SNX25: variants seen among roughly 807,000 people sequenced by gnomAD.
SNX25 encodes the protein sorting nexin 25.
In SNX25, 62 loss-of-function variants were observed where a neutral mutation model predicts 113.7. That is an observed-to-expected ratio of 0.55 (90% confidence interval 0.44 to 0.67). The LOEUF (loss-of-function observed/expected upper bound fraction) is 0.67, where lower values mean the gene tolerates loss of function less well. Ranked by LOEUF, SNX25 falls within the 30% of genes least tolerant of loss-of-function variation. The pLI, the probability that SNX25 is intolerant of heterozygous loss-of-function variation, is 0.00. For synonymous variants in SNX25, 421 were observed against 436.2 expected, an observed-to-expected ratio of 0.97 and a Z score of 0.43; for missense variants, 1,014 against 1,161.0, an observed-to-expected ratio of 0.87 and a Z score of 1.84.
At chr4:185,227,853 T>C (rs1461504106) in intron 1 of SNX25, among the ~76,000 whole-genome samples, 1 of 152,090 alleles carries the variant, frequency 6.6e-6, no homozygotes, top group East Asian at 1.9e-4. Flanking sequence ...CAGTTAAGGC[T>C]ACAGGGGAAT....
At chr4:185,370,803 TAGTC>T (rs749405430), downstream of SNX25, 7 of 1,614,124 alleles carry the variant, frequency 4.3e-6, no homozygotes, top group Non-Finnish European at 1.7e-6. Context: ...AACCTCATCA[TAGTC>T]AGCGATCCTG....
intron 6 of SNX25, among the ~76,000 whole-genome samples, chr4:185,303,851 A>C (rs1217000061): frequency 6.6e-6 from 1 of 152,124 alleles, no homozygotes; most frequent in Non-Finnish European, 1.5e-5. Context: ...TAGACTATGA[A>C]ATCTCAGGTG....
intron 1 of SNX25, among the ~76,000 whole-genome samples, chr4:185,230,110 A>C (rs942998402): frequency 6.6e-6 from 1 of 152,084 alleles, no homozygotes; most frequent in Non-Finnish European, 1.5e-5. Flanking sequence ...GATTATTGGC[A>C]TGAGCCACTG....
intron 4 of SNX25, among the ~76,000 whole-genome samples, chr4:185,264,865 TG>T (rs1747827077): frequency 6.6e-6 from 1 of 152,220 alleles, no homozygotes; most frequent in South Asian, 2.1e-4. Context: ...AGCATTCATT[TG>T]GGATAGCTTT....
At chr4:185,208,812 A>G (rs896887261), upstream of SNX25, among the ~76,000 whole-genome samples, 1 of 152,236 alleles carries the variant, frequency 6.6e-6, no homozygotes, top group African/African-American at 2.4e-5. Flanking sequence ...CTGCTTCTTT[A>G]TTAGTCTTAG....
chr4:185,294,668 G>C (rs952265317), intron 6 of SNX25, among the ~76,000 whole-genome samples: 3 of 152,196 alleles, frequency 2.0e-5, no homozygotes, highest in Non-Finnish European at 4.4e-5. Flanking sequence ...TATCAGTAAA[G>C]CTGATGCTGC....
At chr4:185,340,909 C>T (rs2095256639) in intron 11 of SNX25, among the ~76,000 whole-genome samples, 1 of 152,174 alleles carries the variant, frequency 6.6e-6, no homozygotes, top group East Asian at 1.9e-4. Flanking sequence ...GATGCATTTT[C>T]ATCAAGCTGG....
chr4:185,290,827 T>C (rs1288542), intron 6 of SNX25, among the ~76,000 whole-genome samples: 73,160 of 152,096 alleles, frequency 0.48, 17,683 homozygotes, highest in South Asian at 0.61. Context: ...TTGAGGACTA[T>C]AGCCAGGGAC....
chr4:185,230,029 C>T (rs1456570024), intron 1 of SNX25, among the ~76,000 whole-genome samples: 11 of 152,250 alleles, frequency 7.2e-5, no homozygotes, highest in Admixed American at 7.2e-4. Context: ...GAGGTTTCGC[C>T]ATGTTGCCCA....
chr4:185,275,278 A>G (rs67288623), intron 5 of SNX25, among the ~76,000 whole-genome samples: 16,880 of 152,250 alleles, frequency 0.11, 1,008 homozygotes, highest in East Asian at 0.18. Flanking sequence ...GTAGAGAGGG[A>G]ATTTTAGTAA....
chr4:185,282,783 A>G (rs1251117739), intron 5 of SNX25, among the ~76,000 whole-genome samples: 3 of 152,092 alleles, frequency 2.0e-5, no homozygotes, highest in South Asian at 2.1e-4. Flanking sequence ...TATACCAACA[A>G]TCTGTGCACT....
intron 6 of SNX25, among the ~76,000 whole-genome samples, chr4:185,301,536 C>T (rs974876017): frequency 1.3e-5 from 2 of 151,538 alleles, no homozygotes; most frequent in Non-Finnish European, 2.9e-5. Context: ...GGATTACAGG[C>T]GCCTGCACTG....
chr4:185,316,730 G>A (rs772412410), intron 7 of SNX25, among the ~76,000 whole-genome samples: 1 of 152,178 alleles, frequency 6.6e-6, no homozygotes, highest in Non-Finnish European at 1.5e-5. Flanking sequence ...GCCAGGACTC[G>A]ACTTGAGTGT....
At chr4:185,367,201 T>C (rs1048966638), downstream of SNX25, 10 of 1,613,260 alleles carry the variant, frequency 6.2e-6, no homozygotes, top group Admixed American at 5.0e-5. Context: ...GACGAATAAG[T>C]AAGGAGTGAA....
In SNX25 at chr4:185,235,943, C is replaced by T. The variant is rs867685535; in HGVS notation, c.430-11351C>T. On this transcript the variant is annotated intron_variant, in intron 1 of 18. Transcript: ENST00000652585. ...AGAGTGCAGTCCTGATAAACCAGAGCCGCTTGTCTATGTTCAGTACAGATG... is the reference window on the plus strand; with the variant it reads ...AGAGTGCAGTCCTGATAAACCAGAGTCGCTTGTCTATGTTCAGTACAGATG... Among the ~76,000 whole-genome samples the T allele has an allele frequency of 2.0e-5, 3 of 152,226 alleles. No homozygotes were observed. The Middle Eastern group carries it at 0.01, about 518-fold the overall frequency.
chr4:185,361,995 A>G lies in SNX25; in HGVS notation c.2723A>G (p.Asp908Gly). The G allele has an allele frequency of 6.2e-7, 1 of 1,614,124 alleles. No homozygotes were observed. Among genetic ancestry groups the G allele is most frequent in the Non-Finnish European group, 8.5e-7 (1 of 1,180,010 alleles). Reference protein sequence around the residue: ...MLVYYINIFRDAFWPNGKLAP... With the variant: ...MLVYYINIFRGAFWPNGKLAP... ...GTTTACTACATCAATATTTTCCGGGATGCTTTTTGGCCAAATGGGAAGTTG... is the reference window on the plus strand; with the variant it reads ...GTTTACTACATCAATATTTTCCGGGGTGCTTTTTGGCCAAATGGGAAGTTG... The change falls in exon 17 of 19, where the codon GAT (aspartate) becomes GGT (glycine). Residue 908 changes from aspartate (D) to glycine (G), a missense_variant. Transcript: ENST00000652585.
intron 6 of SNX25, among the ~76,000 whole-genome samples, chr4:185,300,340 T>A (rs1325028862): frequency 3.3e-5 from 5 of 150,802 alleles, no homozygotes; most frequent in African/African-American, 1.2e-4. Context: ...TTTTTTTTTT[T>A]GTATTTTTAG....
intron 6 of SNX25, among the ~76,000 whole-genome samples, chr4:185,292,565 AT>A (rs920026580): frequency 6.6e-6 from 1 of 151,046 alleles, no homozygotes; most frequent in Non-Finnish European, 1.5e-5. Flanking sequence ...TACCCAGCTA[AT>A]TTTTTTTTGT....
At position 185,210,108 on chromosome 4, in the gene SNX25, C is replaced by T; in HGVS notation, c.282C>T (p.Leu94=). ...AAGLSSVLFR[L]SLYLSCAAAA... is the part of the protein sequence containing the mutation. ...GGCTGAGCTCCGTCCTGTTCAGGCT[C>T]AGCCTGTACCTGAGCTGCGCGGCGG... The change falls in exon 1 of 19, where the codon CTC becomes CTT. Residue 94 remains leucine (L), a synonymous_variant. Transcript: ENST00000652585. The surrounding 1 kb of genome is among the most constrained non-coding windows in gnomAD (Gnocchi z 4.4). 3.0e-6 allele frequency: 3 copies of T among 984,146 alleles called. No homozygotes were observed. The highest frequency in any genetic ancestry group is 3.5e-5 in the African/African-American group (2 of 57,206). 61.0% of individuals were successfully genotyped at this position (984,146 alleles called of 1,614,324 possible). A position where few individuals can be genotyped will look rare whatever the true frequency, so the allele number is the denominator to read the frequency against.
Sources: allele counts gnomAD v4.1 joint callset (sites outside exome capture counted in the v4.1 genomes callset), GRCh38; gene constraint gnomAD v4.1.1; non-coding constraint Gnocchi (gnomAD v3.1); transcripts MANE v1.5; gene names NCBI Gene and HGNC (gene_info 2026-07-23, HGNC 2026-07-21).